FAM53C: variants seen among roughly 807,000 people sequenced by gnomAD.
The protein encoded by FAM53C is family with sequence similarity 53 member C.
A neutral mutation model predicts 34.7 loss-of-function variants in FAM53C; 10 were observed. The ratio of observed to expected loss-of-function variants is 0.29; its 90% CI spans 0.18 to 0.49. The LOEUF (loss-of-function observed/expected upper bound fraction) is 0.49, where lower values mean the gene tolerates loss of function less well. Ranked by LOEUF, FAM53C falls within the 20% of genes least tolerant of loss-of-function variation. FAM53C has a pLI of 0.99. For missense variants in FAM53C, 442 were observed against 515.3 expected (o/e 0.86, Z 1.38); for synonymous variants, 203 against 203.6 (o/e 1.00, Z 0.03).
In FAM53C at chr5:138,346,834, G is replaced by T; in HGVS notation, c.1054G>T (p.Val352Leu). The T allele has an allele frequency of 6.2e-7, 1 of 1,614,174 alleles. No individual in the cohort carries two copies. Among genetic ancestry groups the T allele is most frequent in the Non-Finnish European group, 8.5e-7 (1 of 1,180,034 alleles). The change falls in exon 5 of 5, where the codon GTG (valine) becomes TTG (leucine). Residue 352 changes from valine (V) to leucine (L), a missense_variant. Physicochemically the swap from Val to Leu is conservative, Grantham distance 32. Coordinates refer to ENST00000239906, the MANE Select transcript of FAM53C (RefSeq NM_016605.3). ...SCSPTGGSSQ[V>L]LSESEEEEEG... ...CAGCCCCACTGGGGGTTCCTCCCAG[G>T]TGCTGAGTGAAAGCGAAGAGGAGGA...
In FAM53C at chr5:138,345,265, T is replaced by G; in HGVS notation, c.577T>G (p.Phe193Val). Residue 193 changes from phenylalanine to valine, a missense_variant, in exon 4 of 5, where the codon TTC becomes GTC. Coordinates refer to ENST00000239906, the MANE Select transcript of FAM53C (RefSeq NM_016605.3). The surrounding 1 kb of genome is among the most constrained non-coding windows in gnomAD (Gnocchi z 6.3). ...APAHRPYSPP[F>V]FSLALAQDSS... is the part of the protein sequence containing the mutation. The stretch of plus-strand genomic sequence containing the variant: ...AGCTCACAGACCCTACAGCCCTCCT[T>G]TCTTCAGCCTGGCCCTGGCCCAAGA... 6.2e-7 allele frequency: 1 copy of G among 1,614,154 alleles called. No individual in the cohort carries two copies. The highest frequency in any genetic ancestry group is 2.2e-5 in the East Asian group (1 of 44,872).
chr5:138,348,640 T>C lies in FAM53C; in HGVS notation c.*1681T>C, dbSNP rs1368124821. ...GAGCATCAGTGAGGCTTCAGCCTCC[T>C]CGTCTCCACTCCAGAGAGGAGGTGG... On this transcript the variant is annotated 3_prime_UTR_variant, in exon 5 of 5. Coordinates refer to ENST00000239906, the MANE Select transcript of FAM53C (RefSeq NM_016605.3). The C allele has an allele frequency of 6.6e-6, 1 of 152,210 alleles. No homozygotes were observed. The highest frequency in any genetic ancestry group is 1.9e-4 in the East Asian group (1 of 5,198). 9.4% of individuals were successfully genotyped at this position (152,210 alleles called of 1,614,324 possible). A position where few individuals can be genotyped will look rare whatever the true frequency, so the allele number is the denominator to read the frequency against.
Position 138,346,911 on chromosome 5 carries a change from C to G in FAM53C, c.1131C>G (p.Cys377Trp). Residue 377 changes from cysteine to tryptophan, a missense_variant, in exon 5 of 5, where the codon TGC (cysteine) becomes TGG (tryptophan). By Grantham distance (215) the Cys-to-Trp change is radical (BLOSUM62 -2). Coordinates refer to ENST00000239906, the MANE Select transcript of FAM53C (RefSeq NM_016605.3). ...GRQALSKRTL[C>W]QRDFGDLDLN... is the part of the protein sequence containing the mutation. ...AGGCGCTGAGCAAGCGGACACTGTG[C>G]CAGCGGGACTTTGGGGACCTGGACT... The G allele has an allele frequency of 1.9e-6, 3 of 1,614,142 alleles. No homozygotes were observed. Among genetic ancestry groups the G allele is most frequent in the Non-Finnish European group, 2.5e-6 (3 of 1,180,042 alleles).
chr5:138,339,065 G>A (rs1760934014), intron 1 of FAM53C, among the ~76,000 whole-genome samples: 1 of 152,160 alleles, frequency 6.6e-6, no homozygotes, highest in Non-Finnish European at 1.5e-5. Flanking sequence ...AGTTAGGTCT[G>A]GTGGGGTTGC....
intron 1 of FAM53C, among the ~76,000 whole-genome samples, chr5:138,340,172 T>C (rs1168204228): frequency 2.6e-5 from 4 of 152,230 alleles, no homozygotes; most frequent in Non-Finnish European, 5.9e-5. Context: ...ATTGTTCCTG[T>C]GACAGGTTAA....
chr5:138,341,518 A>G (rs1761034379), intron 2 of FAM53C, 105 bp downstream of exon 2: 12 of 1,124,276 alleles, frequency 1.1e-5, no homozygotes, highest in Non-Finnish European at 1.5e-5. Flanking sequence ...GAATCATGGT[A>G]CTTAACCTGG....
chr5:138,339,472 C>T (rs1760959290), intron 1 of FAM53C, among the ~76,000 whole-genome samples: 1 of 152,218 alleles, frequency 6.6e-6, no homozygotes, highest in African/African-American at 2.4e-5. Flanking sequence ...AATTCACTGT[C>T]TTGACTTGAT....
In FAM53C at chr5:138,347,025, T is replaced by G. The variant is rs2269953; in HGVS notation, c.*66T>G. The G allele has an allele frequency of 0.38, 605,144 of 1,598,304 alleles. 116,514 individuals are homozygous for G. Among genetic ancestry groups the G allele is most frequent in the East Asian group, 0.54 (24,259 of 44,804 alleles). On this transcript the variant is annotated 3_prime_UTR_variant, in exon 5 of 5. Coordinates refer to ENST00000239906, the MANE Select transcript of FAM53C (RefSeq NM_016605.3). ...CTCATGGCTACTAACAAGTGTCGAGTCCCCAAGGCTGGGGGCCGAGCCTGG... is the reference window on the plus strand; with the variant it reads ...CTCATGGCTACTAACAAGTGTCGAGGCCCCAAGGCTGGGGGCCGAGCCTGG...
chr5:138,338,599 C>G (rs867345665), intron 1 of FAM53C, among the ~76,000 whole-genome samples: 4 of 146,112 alleles, frequency 2.7e-5, no homozygotes, highest in Admixed American at 6.7e-5. Flanking sequence ...ACCCCCCCCC[C>G]CGCCCCGGGG....
chr5:138,339,728 C>T, intron 1 of FAM53C, among the ~76,000 whole-genome samples: 1 of 152,122 alleles, frequency 6.6e-6, no homozygotes, highest in East Asian at 1.9e-4. Context: ...AGAGAGCTCC[C>T]CGGAAGCTAG....
chr5:138,339,116 C>G (rs899529169), intron 1 of FAM53C, among the ~76,000 whole-genome samples: 10 of 152,186 alleles, frequency 6.6e-5, no homozygotes, highest in Admixed American at 2.6e-4. Context: ...AAGGGCTGAG[C>G]CCCGTGCCAG....
chr5:138,341,688 C>A, intron 2 of FAM53C, 121 bp from the exon 3 acceptor site: 1 of 906,956 alleles, frequency 1.1e-6, no homozygotes, highest in Non-Finnish European at 1.8e-6. Context: ...AGAGGAAGAA[C>A]ACTTAATGTC....
intron 3 of FAM53C, chr5:138,343,113 T>C (rs1400244984): frequency 6.6e-6 from 1 of 152,192 alleles, no homozygotes; most frequent in Non-Finnish European, 1.5e-5. Flanking sequence ...TCCCTTGTTA[T>C]ATATAGCTAC....
At chr5:138,343,870 G>A (rs1203737744) in intron 3 of FAM53C, 1 of 152,254 alleles carries the variant, frequency 6.6e-6, no homozygotes, top group African/African-American at 2.4e-5. Context: ...TGCCCTCATA[G>A]TGGTTAGTAG....
intron 1 of FAM53C, among the ~76,000 whole-genome samples, chr5:138,339,419 T>C (rs1760956331): frequency 6.6e-6 from 1 of 152,232 alleles, no homozygotes; most frequent in Non-Finnish European, 1.5e-5. Context: ...CAATTACCAC[T>C]GTGTGTGGCC....
intron 3 of FAM53C, 74 bp from the exon 4 acceptor site, chr5:138,344,751 T>G: frequency 7.4e-7 from 1 of 1,358,978 alleles, no homozygotes; most frequent in Non-Finnish European, 9.9e-7. Flanking sequence ...GCTCCATACA[T>G]TATGTGGCAA....
Position 138,346,158 on chromosome 5 carries a change from C to CT in FAM53C, c.922-541dup, listed in dbSNP as rs1323819841. On this transcript the variant is annotated intron_variant, in intron 4 of 4. Transcript: ENST00000239906. ...TTCTAGACCACTAGGTTACAAACCT[C>CT]TTTAAGAATTAATTAATTTTTTCAT... Among the ~76,000 whole-genome samples the CT allele has an allele frequency of 4.6e-5, 7 of 152,340 alleles. No homozygotes were observed. The East Asian group carries it at 9.6e-4, about 21-fold the overall frequency.
intron 1 of FAM53C, among the ~76,000 whole-genome samples, chr5:138,339,016 T>C (rs1362091985): frequency 4.6e-5 from 7 of 152,120 alleles, no homozygotes. Flanking sequence ...CTGATCTTTA[T>C]TTTTGGGGGC....
In FAM53C at chr5:138,345,205, C is replaced by T. The variant is rs1761134916; in HGVS notation, c.517C>T (p.Leu173Phe). 17 of 1,614,214 alleles carry T rather than the reference C, an allele frequency of 1.1e-5. No individual in the cohort carries two copies. Among genetic ancestry groups the T allele is most frequent in the East Asian group, 4.5e-5 (2 of 44,882 alleles). The change falls in exon 4 of 5, where the codon CTC becomes TTC. Residue 173 changes from leucine (L) to phenylalanine (F), a missense_variant. Coordinates refer to ENST00000239906, the MANE Select transcript of FAM53C (RefSeq NM_016605.3). The surrounding 1 kb of genome is among the most constrained non-coding windows in gnomAD (Gnocchi z 6.3). Reference protein sequence around the residue: ...PPKRVSSLRFLQAPSASSQCA... With the variant: ...PPKRVSSLRFFQAPSASSQCA... ...AAAGCGGGTCTCCAGCCTCAGGTTC[C>T]TCCAAGCTCCCAGTGCCTCTTCTCA...
Sources: allele counts gnomAD v4.1 joint callset (sites outside exome capture counted in the v4.1 genomes callset), GRCh38; gene constraint gnomAD v4.1.1; non-coding constraint Gnocchi (gnomAD v3.1); transcripts MANE v1.5; gene names NCBI Gene and HGNC (gene_info 2026-07-23, HGNC 2026-07-21).